The following SMIM14 variants were observed in gnomAD, a reference collection of about 807,000 sequenced individuals.
The protein encoded by SMIM14 is small integral membrane protein 14.
SMIM14 carries 5 observed loss-of-function variants against 12.6 expected under a neutral mutation model. The ratio of observed to expected loss-of-function variants is 0.40; its 90% CI spans 0.21 to 0.83. The LOEUF is 0.83. SMIM14 is among the 40% of genes least tolerant of loss of function. The pLI, the probability that SMIM14 is intolerant of heterozygous loss-of-function variation, is 0.37. For synonymous variants in SMIM14, 30 were observed against 40.1 expected (o/e 0.75, Z 0.95); for missense variants, 86 against 119.1 (o/e 0.72, Z 1.29).
chr4:39,552,213 T>C (rs914406965), intron 4 of SMIM14, 55 bp from the exon 5 acceptor site: 5 of 1,433,350 alleles, frequency 3.5e-6, no homozygotes, highest in Admixed American at 4.9e-5. Flanking sequence ...TTCAAAAAAA[T>C]TTAAAATTTA....
intron 2 of SMIM14, among the ~76,000 whole-genome samples, chr4:39,590,776 T>C (rs1279676882): frequency 2.7e-5 from 4 of 147,886 alleles, no homozygotes; most frequent in African/African-American, 1.0e-4. Context: ...CACTCCCGCT[T>C]GGGAGACAGG....
chr4:39,559,708 G>A (rs543991638), intron 3 of SMIM14, among the ~76,000 whole-genome samples: 44 of 152,220 alleles, frequency 2.9e-4, no homozygotes, highest in Admixed American at 5.9e-4. Context: ...CTGCTGCAAC[G>A]AAGTCTTATG....
chr4:39,609,271 T>C (rs190999248), intron 1 of SMIM14, among the ~76,000 whole-genome samples: 11 of 152,262 alleles, frequency 7.2e-5, no homozygotes, highest in South Asian at 2.1e-4. Context: ...TAAGCCACCG[T>C]GCCCGGCCTG....
At chr4:39,562,407 C>CA (rs887233718) in intron 3 of SMIM14, among the ~76,000 whole-genome samples, 3 of 149,936 alleles carry the variant, frequency 2.0e-5, no homozygotes, top group Non-Finnish European at 4.4e-5. Context: ...AACAAACAAA[C>CA]AAAAAATCCC....
At chr4:39,614,325 C>CA (rs1715143065) in intron 1 of SMIM14, among the ~76,000 whole-genome samples, 1 of 144,972 alleles carries the variant, frequency 6.9e-6, no homozygotes, top group Non-Finnish European at 1.5e-5. Flanking sequence ...TCCTATGCTA[C>CA]TTTTTTTTTT....
chr4:39,572,277 C>CG, intron 3 of SMIM14, 138 bp downstream of exon 3: 2 of 208,862 alleles, frequency 9.6e-6, no homozygotes, highest in East Asian at 1.2e-4. Context: ...GTATGTGTCG[C>CG]TTTTTTTTTT....
chr4:39,604,219 G>A (rs1273242467), intron 2 of SMIM14, among the ~76,000 whole-genome samples: 1 of 152,018 alleles, frequency 6.6e-6, no homozygotes, highest in African/African-American at 2.4e-5. Flanking sequence ...GATGGCAAAT[G>A]TCACCAACAT....
At chr4:39,578,158 G>GT (rs1713299197) in intron 2 of SMIM14, among the ~76,000 whole-genome samples, 1 of 152,156 alleles carries the variant, frequency 6.6e-6, no homozygotes, top group Non-Finnish European at 1.5e-5. Flanking sequence ...AATTTTGTTT[G>GT]TTTTTTAAGA....
At position 39,638,865 on chromosome 4, in the gene SMIM14, C is replaced by T. The variant is rs1017160253; in HGVS notation, c.-162G>A. 1.0e-6 allele frequency: 1 copy of T among 985,780 alleles called. No individual in the cohort carries two copies. Among genetic ancestry groups the T allele is most frequent in the Non-Finnish European group, 1.2e-6 (1 of 830,222 alleles). The allele number at this position is 985,780 out of a possible 1,614,324, so 61.1% of individuals were successfully genotyped here. Reference sequence around the variant, plus strand: ...CGCTGCTGCCACTGCCGTTTCTGGCCGCCGGCTTCCTCCCCCTCCTCTGTT... The same window carrying T: ...CGCTGCTGCCACTGCCGTTTCTGGCTGCCGGCTTCCTCCCCCTCCTCTGTT... On this transcript the variant is annotated 5_prime_UTR_variant, in exon 1 of 5. Transcript: ENST00000295958.
chr4:39,592,267 CTTT>C (rs34640338), intron 2 of SMIM14, among the ~76,000 whole-genome samples: 6 of 131,604 alleles, frequency 4.6e-5, no homozygotes, highest in Admixed American at 7.8e-5. Flanking sequence ...TCATTTGCCT[CTTT>C]TTTTTTTTTT....
intron 2 of SMIM14, among the ~76,000 whole-genome samples, chr4:39,603,257 A>G (rs933301709): frequency 3.9e-5 from 6 of 152,198 alleles, no homozygotes; most frequent in African/African-American, 1.4e-4. Context: ...TTTGCACATA[A>G]AAAGTATAAA....
At chr4:39,623,685 C>T (rs1303614793) in intron 1 of SMIM14, among the ~76,000 whole-genome samples, 1 of 152,102 alleles carries the variant, frequency 6.6e-6, no homozygotes, top group Admixed American at 6.6e-5. Flanking sequence ...CATGGTGAAA[C>T]TCCATCTCTA....
intron 1 of SMIM14, among the ~76,000 whole-genome samples, chr4:39,619,165 TATTA>T (rs1715340081): frequency 6.7e-6 from 1 of 148,236 alleles, no homozygotes; most frequent in South Asian, 2.1e-4. Context: ...TAATTTAATT[TATTA>T]TATATACCAA....
intron 1 of SMIM14, among the ~76,000 whole-genome samples, chr4:39,616,796 G>T (rs988681911): frequency 6.6e-6 from 1 of 151,934 alleles, no homozygotes; most frequent in African/African-American, 2.4e-5. Flanking sequence ...CCAATCCCTG[G>T]TTTCCTCTCT....
intron 1 of SMIM14, among the ~76,000 whole-genome samples, chr4:39,630,183 G>C (rs1044573182): frequency 2.0e-5 from 3 of 152,064 alleles, no homozygotes; most frequent in African/African-American, 7.2e-5. Flanking sequence ...AGAATTGCTT[G>C]AGCCTAGGAG....
chr4:39,597,078 G>C (rs370996233), intron 2 of SMIM14, among the ~76,000 whole-genome samples: 1 of 146,292 alleles, frequency 6.8e-6, no homozygotes, highest in African/African-American at 2.5e-5. Context: ...GCCCGGCCCA[G>C]GTTTCCCTTT....
chr4:39,595,891 AG>A (rs1246549562), intron 2 of SMIM14, among the ~76,000 whole-genome samples: 1 of 152,044 alleles, frequency 6.6e-6, no homozygotes, highest in Admixed American at 6.6e-5. Flanking sequence ...CTGAGTTTAC[AG>A]GGGTGAGCCA....
intron 1 of SMIM14, among the ~76,000 whole-genome samples, chr4:39,612,783 TAG>T (rs1715086437): frequency 6.6e-6 from 1 of 152,290 alleles, no homozygotes; most frequent in South Asian, 2.1e-4. Flanking sequence ...GTATTTTTGG[TAG>T]AGACGAGGTT....
chr4:39,588,293 G>GTTT (rs1713888481), intron 2 of SMIM14, among the ~76,000 whole-genome samples: 1 of 152,070 alleles, frequency 6.6e-6, no homozygotes, highest in African/African-American at 2.4e-5. Context: ...TGTAATCCCA[G>GTTT]CACTTTGGGA....
Sources: allele counts gnomAD v4.1 joint callset (sites outside exome capture counted in the v4.1 genomes callset), GRCh38; gene constraint gnomAD v4.1.1; transcripts MANE v1.5; gene names NCBI Gene and HGNC (gene_info 2026-07-23, HGNC 2026-07-21).